The following HSD17B12 variants were observed in gnomAD, a reference collection of about 807,000 sequenced individuals.
HSD17B12 encodes the protein very-long-chain 3-oxoacyl-CoA reductase.
Under a neutral mutation model 39.3 loss-of-function variants are expected in HSD17B12, and 32 were observed. The observed-to-expected ratio is 0.81, with a 90% CI of 0.61 to 1.09. The LOEUF (loss-of-function observed/expected upper bound fraction) is 1.09, where lower values mean the gene tolerates loss of function less well. HSD17B12 is among the 50% of genes least tolerant of loss of function. The pLI, the probability that HSD17B12 is intolerant of heterozygous loss-of-function variation, is 0.00. For missense variants in HSD17B12, 342 were observed against 382.9 expected (o/e 0.89, Z 0.89); for synonymous variants, 150 against 146.7 (o/e 1.02, Z -0.16).
chr11:43,568,007 C>T, the HSD17B12 span, among the ~76,000 whole-genome samples: 1 of 152,144 alleles, frequency 6.6e-6, no homozygotes, highest in South Asian at 2.1e-4. Context: ...ATCTCATCAC[C>T]TAATATAAAG....
At chr11:43,712,678 C>A (rs530919452) in intron 1 of HSD17B12, among the ~76,000 whole-genome samples, 5 of 152,178 alleles carry the variant, frequency 3.3e-5, no homozygotes, top group African/African-American at 1.2e-4. Context: ...TGTACCCCAA[C>A]TATCTTGGGG....
chr11:43,712,082 T>C (rs1950072125), intron 1 of HSD17B12, among the ~76,000 whole-genome samples: 1 of 152,140 alleles, frequency 6.6e-6, no homozygotes, highest in Non-Finnish European at 1.5e-5. Context: ...AAGAAACATT[T>C]ACAATCTATT....
chr11:43,674,280 G>T, the HSD17B12 span, among the ~76,000 whole-genome samples: 3 of 152,166 alleles, frequency 2.0e-5, no homozygotes, highest in African/African-American at 7.2e-5. Flanking sequence ...GGTCCTGTAT[G>T]CATTAGAGTT....
At chr11:43,659,245 C>G in the HSD17B12 span, among the ~76,000 whole-genome samples, 1 of 152,216 alleles carries the variant, frequency 6.6e-6, no homozygotes, top group Non-Finnish European at 1.5e-5. Context: ...ATCGGAAGAG[C>G]GCAGTATTAG....
chr11:43,790,040 T>C (rs749277470), intron 3 of HSD17B12, among the ~76,000 whole-genome samples: 1 of 152,132 alleles, frequency 6.6e-6, no homozygotes, highest in South Asian at 2.1e-4. Context: ...GAAGCAACAA[T>C]GCAGCTTATA....
At chr11:43,609,136 C>T in the HSD17B12 span, among the ~76,000 whole-genome samples, 6 of 151,296 alleles carry the variant, frequency 4.0e-5, no homozygotes, top group African/African-American at 7.3e-5. Flanking sequence ...GACCAATTTT[C>T]GTCATGTTGT....
At chr11:43,757,654 A>C (rs796871998) in intron 3 of HSD17B12, among the ~76,000 whole-genome samples, 6 of 143,484 alleles carry the variant, frequency 4.2e-5, no homozygotes, top group South Asian at 4.4e-4. Flanking sequence ...AAAAAAAAAA[A>C]AAAAAAAAAA....
At chr11:43,761,417 A>C (rs61242859) in intron 3 of HSD17B12, among the ~76,000 whole-genome samples, 3,542 of 152,292 alleles carry the variant, frequency 0.023, 139 homozygotes, top group African/African-American at 0.081. Context: ...AACATCTTTA[A>C]ATTTATCTAA....
the HSD17B12 span, among the ~76,000 whole-genome samples, chr11:43,664,675 TTGAAGGAATTTAAGA>T: frequency 6.6e-6 from 1 of 152,222 alleles, no homozygotes; most frequent in South Asian, 2.1e-4. Context: ...GGAACTTCCC[TTGAAGGAATTTAAGA>T]TGTTCCTTTA....
At chr11:43,663,575 G>T in the HSD17B12 span, among the ~76,000 whole-genome samples, 2 of 152,130 alleles carry the variant, frequency 1.3e-5, no homozygotes, top group East Asian at 3.9e-4. Context: ...TGAAAGTAAG[G>T]CAGACAAATT....
At chr11:43,803,536 G>T (rs965907246) in intron 4 of HSD17B12, among the ~76,000 whole-genome samples, 1 of 151,886 alleles carries the variant, frequency 6.6e-6, no homozygotes, top group African/African-American at 2.4e-5. Context: ...AAATCACCAG[G>T]GTACACCCCA....
intron 6 of HSD17B12, among the ~76,000 whole-genome samples, chr11:43,827,133 C>T (rs1275247105): frequency 1.3e-5 from 2 of 152,106 alleles, no homozygotes; most frequent in East Asian, 1.9e-4. Context: ...TATCCTAATT[C>T]TGGGTATGAA....
intron 3 of HSD17B12, among the ~76,000 whole-genome samples, chr11:43,767,534 C>T (rs1287196555): frequency 6.6e-6 from 1 of 152,064 alleles, no homozygotes; most frequent in Non-Finnish European, 1.5e-5. Context: ...TGTCAATTAC[C>T]AGTTGTTTTG....
At chr11:43,744,220 T>G (rs776997859) in intron 1 of HSD17B12, among the ~76,000 whole-genome samples, 6 of 152,152 alleles carry the variant, frequency 3.9e-5, no homozygotes, top group Non-Finnish European at 8.8e-5. Context: ...CATAAGAAAC[T>G]TTTCAGAACT....
chr11:43,830,748 A>G (rs1951300506), intron 6 of HSD17B12: 1 of 337,166 alleles, frequency 3.0e-6, no homozygotes, highest in Non-Finnish European at 5.4e-6. Context: ...AATTTTAGCC[A>G]GGTTCATTAA....
At chr11:43,756,943 C>T (rs1002060474) in intron 3 of HSD17B12, among the ~76,000 whole-genome samples, 7 of 152,160 alleles carry the variant, frequency 4.6e-5, no homozygotes, top group African/African-American at 1.7e-4. Context: ...TATTAAAAGG[C>T]ATGGGTTTTT....
chr11:43,556,972 C>G, the HSD17B12 span: 1 of 151,824 alleles, frequency 6.6e-6, no homozygotes, highest in Non-Finnish European at 1.5e-5. Context: ...GTAGGTTATA[C>G]CATGCACTGT....
chr11:43,727,374 A>G (rs1350185798), intron 1 of HSD17B12, among the ~76,000 whole-genome samples: 1 of 152,254 alleles, frequency 6.6e-6, no homozygotes, highest in Non-Finnish European at 1.5e-5. Context: ...TTCTATTTAA[A>G]TAAAATCTTG....
chr11:43,681,833 C>T (rs535052417), intron 1 of HSD17B12, among the ~76,000 whole-genome samples: 2 of 142,890 alleles, frequency 1.4e-5, no homozygotes, highest in East Asian at 3.9e-4. Context: ...CTCCCCCCCC[C>T]CTTTTTTTTT....
Sources: gnomAD v4.1 joint callset for allele counts (sites outside exome capture counted in the v4.1 genomes callset) on GRCh38, gnomAD v4.1.1 for gene constraint, MANE v1.5 for transcripts, NCBI Gene and HGNC (gene_info 2026-07-23, HGNC 2026-07-21) for gene names.